Variants in LYPLAL1 observed in about 807,000 individuals in gnomAD.
LYPLAL1 encodes lysophospholipase like 1.
Under a neutral mutation model 19.7 loss-of-function variants are expected in LYPLAL1, and 23 were observed. That is an observed-to-expected ratio of 1.17 (90% CI 0.84 to 1.65). LYPLAL1 has a LOEUF of 1.65. Among genes scored for constraint, LYPLAL1 ranks in the 40% most tolerant of loss-of-function variants. LYPLAL1 has a pLI of 0.00. For missense variants in LYPLAL1, 355 were observed against 279.4 expected (o/e 1.27, Z -1.93); for synonymous variants, 119 against 96.3 (o/e 1.24, Z -1.38).
At chr1:219,258,346 C>A in the LYPLAL1 span, among the ~76,000 whole-genome samples, 1 of 151,980 alleles carries the variant, frequency 6.6e-6, no homozygotes, top group East Asian at 1.9e-4. Flanking sequence ...AATTATAAGG[C>A]ACAAGAAATT....
At chr1:219,244,911 C>CAAA in the LYPLAL1 span, among the ~76,000 whole-genome samples, 57 of 123,050 alleles carry the variant, frequency 4.6e-4, no homozygotes, top group African/African-American at 1.3e-3. Context: ...CATGCCACTG[C>CAAA]AAAAAAAAAA....
chr1:219,379,532 A>G, the LYPLAL1 span, among the ~76,000 whole-genome samples: 1 of 152,226 alleles, frequency 6.6e-6, no homozygotes, highest in African/African-American at 2.4e-5. Flanking sequence ...GACATTCATG[A>G]TAGGCTCAGG....
the LYPLAL1 span, among the ~76,000 whole-genome samples, chr1:219,305,211 A>G: frequency 2.0e-5 from 3 of 152,186 alleles, no homozygotes; most frequent in African/African-American, 7.2e-5. Flanking sequence ...AGATCACAAA[A>G]GAAAAATGTT....
intron 2 of LYPLAL1, among the ~76,000 whole-genome samples, chr1:219,187,997 T>C (rs1656861877): frequency 6.6e-6 from 1 of 151,874 alleles, no homozygotes; most frequent in African/African-American, 2.4e-5. Flanking sequence ...AATCACAGTG[T>C]AGATTTTATA....
the LYPLAL1 span, among the ~76,000 whole-genome samples, chr1:219,375,453 T>A: frequency 2.3e-5 from 3 of 127,956 alleles, no homozygotes; most frequent in East Asian, 4.5e-4. Flanking sequence ...ATCGCAGCAC[T>A]GCACTCCAGC....
chr1:219,257,033 G>A, the LYPLAL1 span, among the ~76,000 whole-genome samples: 1 of 151,824 alleles, frequency 6.6e-6, no homozygotes, highest in African/African-American at 2.4e-5. Context: ...TATGTATTTT[G>A]TTATTATCCT....
At chr1:219,269,587 T>G in the LYPLAL1 span, among the ~76,000 whole-genome samples, 1 of 151,786 alleles carries the variant, frequency 6.6e-6, no homozygotes, top group Non-Finnish European at 1.5e-5. Flanking sequence ...TTCTTTGTGC[T>G]TTACATCTAG....
chr1:219,332,872 G>A, the LYPLAL1 span, among the ~76,000 whole-genome samples: 9 of 147,750 alleles, frequency 6.1e-5, no homozygotes, highest in Non-Finnish European at 1.2e-4. Flanking sequence ...CCTATCAGAG[G>A]CTCTGGGGGA....
the LYPLAL1 span, among the ~76,000 whole-genome samples, chr1:219,343,026 G>T: frequency 6.6e-6 from 1 of 152,186 alleles, no homozygotes; most frequent in Non-Finnish European, 1.5e-5. Flanking sequence ...AATAGGTGGG[G>T]CTCTGTATCT....
the LYPLAL1 span, among the ~76,000 whole-genome samples, chr1:219,398,389 T>C: frequency 2.0e-5 from 3 of 152,198 alleles, no homozygotes; most frequent in Admixed American, 6.5e-5. Context: ...TGCCATGAGT[T>C]TTTTAGCACT....
At chr1:219,413,101 C>T in the LYPLAL1 span, among the ~76,000 whole-genome samples, 2 of 151,634 alleles carry the variant, frequency 1.3e-5, no homozygotes, top group South Asian at 4.2e-4. Flanking sequence ...ACTGAGTCAG[C>T]TAATGGAACT....
At chr1:219,279,431 C>T in the LYPLAL1 span, among the ~76,000 whole-genome samples, 14 of 152,130 alleles carry the variant, frequency 9.2e-5, no homozygotes, top group African/African-American at 2.7e-4. Context: ...GTTGCTTTGA[C>T]GTGAAGCTGT....
At chr1:219,248,874 T>C in the LYPLAL1 span, among the ~76,000 whole-genome samples, 5 of 152,134 alleles carry the variant, frequency 3.3e-5, no homozygotes, top group Middle Eastern at 6.8e-3. Flanking sequence ...TCCTATAATC[T>C]AGAAACAAGC....
At chr1:219,415,844 C>T in the LYPLAL1 span, among the ~76,000 whole-genome samples, 1 of 152,178 alleles carries the variant, frequency 6.6e-6, no homozygotes, top group Non-Finnish European at 1.5e-5. Context: ...ATCTTGAGTG[C>T]CCCTTGGCTT....
At chr1:219,188,664 A>G (rs2125052882) in intron 2 of LYPLAL1, among the ~76,000 whole-genome samples, 1 of 140,508 alleles carries the variant, frequency 7.1e-6, no homozygotes, top group Non-Finnish European at 1.5e-5. Context: ...ACAACTTGGT[A>G]TCAAGCTGAA....
the LYPLAL1 span, among the ~76,000 whole-genome samples, chr1:219,263,050 GT>G: frequency 2.0e-5 from 3 of 152,140 alleles, no homozygotes; most frequent in Admixed American, 2.0e-4. Context: ...GACAGGATAA[GT>G]TTCTCAGGTA....
At chr1:219,425,119 G>C in the LYPLAL1 span, among the ~76,000 whole-genome samples, 3 of 152,102 alleles carry the variant, frequency 2.0e-5, no homozygotes, top group Non-Finnish European at 2.9e-5. Context: ...GTGAGGGCTT[G>C]TTTCCTGGTT....
chr1:219,276,649 G>A, the LYPLAL1 span, among the ~76,000 whole-genome samples: 5 of 152,152 alleles, frequency 3.3e-5, no homozygotes, highest in African/African-American at 1.2e-4. Flanking sequence ...TTGGGCCTTT[G>A]GGGAATACGA....
chr1:219,398,717 T>C, the LYPLAL1 span, among the ~76,000 whole-genome samples: 81 of 152,320 alleles, frequency 5.3e-4, no homozygotes, highest in Non-Finnish European at 1.0e-3. Flanking sequence ...TGTTAACCTT[T>C]GAATTGTTTT....
Sources: gnomAD v4.1 joint callset for allele counts (sites outside exome capture counted in the v4.1 genomes callset) on GRCh38, gnomAD v4.1.1 for gene constraint, MANE v1.5 for transcripts, NCBI Gene and HGNC (gene_info 2026-07-23, HGNC 2026-07-21) for gene names.